The following KCNC2 variants were observed in gnomAD, a reference collection of about 807,000 sequenced individuals.
KCNC2 encodes the protein voltage-gated potassium channel KCNC2.
A neutral mutation model predicts 44.5 loss-of-function variants in KCNC2; 21 were observed. The observed-to-expected ratio is 0.47, with a 90% CI of 0.33 to 0.68. The LOEUF is 0.68. Among genes scored for constraint, KCNC2 ranks in the 30% least tolerant of loss-of-function variants. KCNC2 has a pLI of 0.01. For missense variants in KCNC2, 589 were observed against 826.2 expected (o/e 0.71, Z 3.52); for synonymous variants, 391 against 339.1 (o/e 1.15, Z -1.68).
intron 2 of KCNC2, among the ~76,000 whole-genome samples, chr12:75,078,885 G>A (rs1348755132): frequency 6.6e-6 from 1 of 152,060 alleles, no homozygotes; most frequent in African/African-American, 2.4e-5. Flanking sequence ...ACTAACTTGG[G>A]GATAACTCAA....
chr12:75,064,168 A>G (rs2137002706), intron 2 of KCNC2, among the ~76,000 whole-genome samples: 1 of 152,198 alleles, frequency 6.6e-6, no homozygotes, highest in South Asian at 2.1e-4. Context: ...CACACATGTC[A>G]TGTAATCTCA....
intron 2 of KCNC2, among the ~76,000 whole-genome samples, chr12:75,167,668 C>A (rs1388552612): frequency 2.6e-5 from 4 of 151,412 alleles, no homozygotes; most frequent in Non-Finnish European, 4.4e-5. Flanking sequence ...TGTAACTGAT[C>A]CATTGTGTTT....
intron 2 of KCNC2, among the ~76,000 whole-genome samples, chr12:75,122,508 T>G (rs1040902629): frequency 6.6e-5 from 10 of 152,204 alleles, no homozygotes; most frequent in African/African-American, 2.4e-4. Flanking sequence ...AGACATTCAT[T>G]AATCCTATGA....
At chr12:75,161,102 C>T (rs1443266495) in intron 2 of KCNC2, among the ~76,000 whole-genome samples, 2 of 151,564 alleles carry the variant, frequency 1.3e-5, no homozygotes, top group African/African-American at 4.8e-5. Context: ...TAGGCACTTT[C>T]ATAAATTAGG....
At chr12:75,111,326 T>C (rs560846012) in intron 2 of KCNC2, among the ~76,000 whole-genome samples, 3 of 151,818 alleles carry the variant, frequency 2.0e-5, no homozygotes, top group Non-Finnish European at 3.0e-5. Flanking sequence ...GTTTTTCTAT[T>C]TTAAGTTTTC....
chr12:75,078,801 T>C (rs998763150), intron 2 of KCNC2, among the ~76,000 whole-genome samples: 1 of 152,180 alleles, frequency 6.6e-6, no homozygotes, highest in Non-Finnish European at 1.5e-5. Context: ...ATACTTTTAA[T>C]GTAATCTACA....
chr12:75,143,521 T>A (rs539288421), intron 2 of KCNC2, among the ~76,000 whole-genome samples: 4 of 152,276 alleles, frequency 2.6e-5, no homozygotes, highest in South Asian at 4.1e-4. Flanking sequence ...TCCAGGCCCC[T>A]GCCTTTTCTG....
In KCNC2 at chr12:75,041,284, G is replaced by T. The variant is rs1437969305; in HGVS notation, c.*1821C>A. On this transcript the variant is annotated 3_prime_UTR_variant, in exon 5 of 5. Coordinates refer to ENST00000549446, the MANE Select transcript of KCNC2 (RefSeq NM_139137.4). ...TTTGTGTGTAATTATAATGTTCTAT[G>T]TGTGGTGTTATCAAAAGAATCACTG... 10 of 1,546,868 alleles carry T rather than the reference G, an allele frequency of 6.5e-6. No individual in the cohort carries two copies. Among genetic ancestry groups the T allele is most frequent in the Admixed American group, 1.9e-5 (1 of 52,816 alleles).
chr12:75,071,550 AC>A (rs1282093938), intron 2 of KCNC2, among the ~76,000 whole-genome samples: 1 of 152,198 alleles, frequency 6.6e-6, no homozygotes, highest in Non-Finnish European at 1.5e-5. Flanking sequence ...TATGCTTTCT[AC>A]TAAAACTGTA....
At chr12:75,173,798 A>C (rs1389939626) in intron 2 of KCNC2, among the ~76,000 whole-genome samples, 1 of 151,892 alleles carries the variant, frequency 6.6e-6, no homozygotes, top group African/African-American at 2.4e-5. Context: ...AATACTCTTC[A>C]TGTTATTGGA....
chr12:75,195,647 G>A (rs2030695184), intron 2 of KCNC2, among the ~76,000 whole-genome samples: 1 of 152,022 alleles, frequency 6.6e-6, no homozygotes, highest in Admixed American at 6.6e-5. Flanking sequence ...AAGGTTCAAT[G>A]TTGTCTCCTA....
At chr12:75,086,681 AATATATAT>A (rs398044519) in intron 2 of KCNC2, among the ~76,000 whole-genome samples, 11 of 54,200 alleles carry the variant, frequency 2.0e-4, no homozygotes, top group African/African-American at 8.6e-4. Flanking sequence ...AAAAAAAAAA[AATATATAT>A]ATATATATAT....
intron 2 of KCNC2, among the ~76,000 whole-genome samples, chr12:75,089,146 T>G (rs1390344377): frequency 6.6e-6 from 1 of 151,928 alleles, no homozygotes; most frequent in African/African-American, 2.4e-5. Context: ...TATACATATA[T>G]GTATGTTAAT....
At chr12:75,131,822 A>G (rs1292462510) in intron 2 of KCNC2, among the ~76,000 whole-genome samples, 1 of 152,158 alleles carries the variant, frequency 6.6e-6, no homozygotes, top group Non-Finnish European at 1.5e-5. Context: ...AATCTCTCCT[A>G]GAGACAGGAA....
At chr12:75,200,034 A>G (rs1448561715) in intron 2 of KCNC2, among the ~76,000 whole-genome samples, 1 of 151,750 alleles carries the variant, frequency 6.6e-6, no homozygotes, top group Non-Finnish European at 1.5e-5. Context: ...GGAAGGTAGC[A>G]ATGGAAGACT....
chr12:75,165,431 T>C (rs934499816), intron 2 of KCNC2, among the ~76,000 whole-genome samples: 10 of 151,514 alleles, frequency 6.6e-5, no homozygotes, highest in African/African-American at 2.2e-4. Flanking sequence ...AGGCAATTAA[T>C]TGCAGTTAGT....
At chr12:75,180,606 A>C (rs573449080) in intron 2 of KCNC2, among the ~76,000 whole-genome samples, 2 of 151,970 alleles carry the variant, frequency 1.3e-5, no homozygotes, top group African/African-American at 4.8e-5. Flanking sequence ...TGATTTTGGT[A>C]GATCAATATT....
At chr12:75,101,275 C>A (rs1206234450) in intron 2 of KCNC2, among the ~76,000 whole-genome samples, 3 of 151,936 alleles carry the variant, frequency 2.0e-5, no homozygotes, top group Non-Finnish European at 4.4e-5. Flanking sequence ...GACCATTAAA[C>A]TTCTTTTCAC....
intron 2 of KCNC2, among the ~76,000 whole-genome samples, chr12:75,155,070 C>G (rs12321121): frequency 0.18 from 26,964 of 151,362 alleles, 2,744 homozygotes; most frequent in Admixed American, 0.25. Flanking sequence ...CACAGAAATA[C>G]AGGGAAAATA....
Sources: gnomAD v4.1 joint callset for allele counts (sites outside exome capture counted in the v4.1 genomes callset) on GRCh38, gnomAD v4.1.1 for gene constraint, MANE v1.5 for transcripts, NCBI Gene and HGNC (gene_info 2026-07-23, HGNC 2026-07-21) for gene names.